Variants in OGT observed in about 807,000 individuals in gnomAD.
OGT encodes the protein UDP-N-acetylglucosamine--peptide N-acetylglucosaminyltransferase 110 kDa subunit.
OGT carries 3 observed loss-of-function variants against 75.8 expected under a neutral mutation model. The observed-to-expected ratio is 0.04, with a 90% CI of 0.02 to 0.10. The LOEUF is 0.10. Among genes scored for constraint, OGT ranks in the 10% least tolerant of loss-of-function variants. The probability of loss-of-function intolerance (pLI) is 1.00; values close to 1 mark genes in which losing one functional copy is unlikely to be tolerated. For synonymous variants in OGT, 257 were observed against 289.7 expected (o/e 0.89, Z 1.15); for missense variants, 260 against 824.4 (o/e 0.32, Z 8.38).
At chrX:71,546,999 G>T in intron 4 of OGT, 2 of 754,862 alleles carry the variant, frequency 2.6e-6, no homozygotes, top group Non-Finnish European at 3.1e-6. Context: ...AATGGATCTG[G>T]TTGGCCGTTT....
At chrX:71,555,436 T>C in intron 7 of OGT, 51 bp downstream of exon 7, 7 of 1,091,165 alleles carry the variant, frequency 6.4e-6, no homozygotes, top group Non-Finnish European at 8.7e-6. Flanking sequence ...TAAGAGTCTT[T>C]TCTGGCCAGG....
At position 71,534,024 on chromosome X, in the gene OGT, C is replaced by T. The variant is rs1232746294; in HGVS notation, c.37+688C>T. ...GCCATCGCCCAATTCCACCGCTGCCCTCAGCCTGGATTTCCCACCCTGTCC... is the reference window on the plus strand; with the variant it reads ...GCCATCGCCCAATTCCACCGCTGCCTTCAGCCTGGATTTCCCACCCTGTCC... On this transcript the variant is annotated intron_variant, in intron 1 of 21. Coordinates refer to ENST00000373719, the MANE Select transcript of OGT (RefSeq NM_181672.3). Among the ~76,000 whole-genome samples the T allele has an allele frequency of 2.7e-5, 3 of 111,154 alleles. No homozygotes were observed. In the South Asian group the frequency reaches 1.1e-3, roughly 43 times the overall value.
At chrX:71,558,365 CTT>C (rs563849120) in intron 12 of OGT, among the ~76,000 whole-genome samples, 8 of 99,839 alleles carry the variant, frequency 8.0e-5, no homozygotes, top group Admixed American at 1.1e-4. Flanking sequence ...GCTAGGTGTA[CTT>C]TTTTTTTTTT....
At chrX:71,543,766 G>GTA (rs397895363) in intron 3 of OGT, among the ~76,000 whole-genome samples, 3,681 of 78,109 alleles carry the variant, frequency 0.047, 106 homozygotes, top group Non-Finnish European at 0.072. Flanking sequence ...GTGTGTGTGT[G>GTA]TATATATATA....
rs761697821 is a variant in OGT at position 71,567,484 on chromosome X, AT to A, written c.2590-12del. On this transcript the variant is annotated splice_polypyrimidine_tract_variant and intron_variant, in intron 19 of 21. Transcript: ENST00000373719. Reference sequence around the variant, plus strand: ...AGATCTGCTATTAATAATTATTCTTATTTTCCCTATTTTAGATTCTGAAGCG... The same window carrying A: ...AGATCTGCTATTAATAATTATTCTTATTTCCCTATTTTAGATTCTGAAGCG... 4 of 1,109,570 alleles carry A rather than the reference AT, an allele frequency of 3.6e-6. No homozygotes were observed. Among genetic ancestry groups the A allele is most frequent in the Non-Finnish European group, 4.8e-6 (4 of 838,974 alleles). 91.4% of individuals were successfully genotyped at this position (1,109,570 alleles called of 1,213,427 possible).
chrX:71,573,634 G>A lies in OGT; in HGVS notation c.2981G>A (p.Arg994His). ...GTDLEYLKKV[R>H]GKVWKQRISS... ...TTATTACCCAGCCTGAAGAAAGTTC[G>A]TGGCAAAGTCTGGAAGCAAAGAATA... is the stretch of plus-strand genomic sequence containing the variant. Residue 994 changes from arginine to histidine, a missense_variant, in exon 22 of 22, where the codon CGT becomes CAT. By Grantham distance (29) the Arg-to-His change is conservative (BLOSUM62 0). Coordinates refer to ENST00000373719, the MANE Select transcript of OGT (RefSeq NM_181672.3). The A allele has an allele frequency of 8.4e-7, 1 of 1,192,827 alleles. No individual in the cohort carries two copies. Among genetic ancestry groups the A allele is most frequent in the Non-Finnish European group, 1.1e-6 (1 of 888,160 alleles).
At chrX:71,568,263 A>G in intron 21 of OGT, 147 bp downstream of exon 21, 1 of 410,891 alleles carries the variant, frequency 2.4e-6, no homozygotes, top group Non-Finnish European at 3.9e-6. Flanking sequence ...AAACTCTTAG[A>G]AATGAAGTGA....
At chrX:71,549,624 A>G (rs964656330) in intron 5 of OGT, among the ~76,000 whole-genome samples, 10 of 110,988 alleles carry the variant, frequency 9.0e-5, no homozygotes, top group African/African-American at 3.3e-4. Context: ...TGTCTCTACA[A>G]AAAATACAAA....
chrX:71,549,295 C>CAA (rs35779562), intron 5 of OGT, among the ~76,000 whole-genome samples: 339 of 21,756 alleles, frequency 0.016, 20 homozygotes, highest in African/African-American at 0.031. Flanking sequence ...GGCCCTGTCT[C>CAA]AAAAAAAAAA....
intron 3 of OGT, among the ~76,000 whole-genome samples, chrX:71,540,018 T>A (rs1264462508): frequency 1.8e-5 from 2 of 112,531 alleles, no homozygotes; most frequent in Non-Finnish European, 3.8e-5. Context: ...CTTATTGTTG[T>A]ACCCTACCAA....
intron 12 of OGT, among the ~76,000 whole-genome samples, chrX:71,557,956 T>G (rs1426127503): frequency 9.1e-6 from 1 of 110,387 alleles, no homozygotes; most frequent in African/African-American, 3.3e-5. Flanking sequence ...CTTTTATCTT[T>G]TTTTTCTTTT....
In OGT at chrX:71,554,497, G is replaced by A. The variant is rs1374649355; in HGVS notation, c.649-16G>A. On this transcript the variant is annotated splice_polypyrimidine_tract_variant and intron_variant, in intron 5 of 21. Transcript: ENST00000373719. ...CCTAACTTGCTCTGAGTAACTAACT[G>A]TCTTGAAATTTTTAGGCTGTCACCC... The A allele has an allele frequency of 3.4e-6, 4 of 1,171,621 alleles. No homozygotes were observed. The highest frequency in any genetic ancestry group is 4.6e-6 in the Non-Finnish European group (4 of 861,047).
intron 3 of OGT, among the ~76,000 whole-genome samples, chrX:71,539,491 C>T (rs1370573004): frequency 1.8e-5 from 2 of 111,569 alleles, no homozygotes; most frequent in Non-Finnish European, 3.8e-5. Context: ...CACCCAGCTT[C>T]TAAATTTATT....
At chrX:71,565,166 AT>A (rs992522075) in intron 19 of OGT, among the ~76,000 whole-genome samples, 1 of 111,888 alleles carries the variant, frequency 8.9e-6, no homozygotes, top group African/African-American at 3.2e-5. Context: ...TCTCAAAAAA[AT>A]TTTTTTTAAA....
In OGT at chrX:71,534,013, C is replaced by T. The variant is rs1204880721; in HGVS notation, c.37+677C>T. Among the ~76,000 whole-genome samples the T allele has an allele frequency of 6.3e-5, 7 of 111,148 alleles. No homozygotes were observed. The Admixed American group carries it at 6.7e-4, about 11-fold the overall frequency. On this transcript the variant is annotated intron_variant, in intron 1 of 21. Transcript: ENST00000373719. ...GGGTTTCCTTTGCCATCGCCCAATT[C>T]CACCGCTGCCCTCAGCCTGGATTTC...
intron 5 of OGT, among the ~76,000 whole-genome samples, chrX:71,550,499 T>C (rs1373938839): frequency 9.0e-6 from 1 of 111,632 alleles, no homozygotes; most frequent in African/African-American, 3.3e-5. Flanking sequence ...TCCTCCCACC[T>C]TGGTCTCCCC....
intron 3 of OGT, among the ~76,000 whole-genome samples, chrX:71,540,449 G>A (rs1238424686): frequency 8.9e-6 from 1 of 111,919 alleles, no homozygotes; most frequent in Non-Finnish European, 1.9e-5. Flanking sequence ...TTGCAGCAGT[G>A]AAAGAGTAGA....
intron 21 of OGT, among the ~76,000 whole-genome samples, chrX:71,571,786 TTGAAACGGAGTCTTGCTC>T (rs913912010): frequency 5.4e-5 from 6 of 110,810 alleles, no homozygotes; most frequent in African/African-American, 2.0e-4. Context: ...TTTTTTCGTT[TTGAAACGGAGTCTTGCTC>T]TGTCGCCCAA....
In OGT at chrX:71,575,552, A is replaced by G. The variant is rs938327976; in HGVS notation, c.*1758A>G. 2.4e-4 allele frequency: 27 copies of G among 112,815 alleles called. No individual in the cohort carries two copies. The highest frequency in any genetic ancestry group is 8.7e-4 in the African/African-American group (27 of 30,999). The allele number at this position is 112,815 out of a possible 1,213,427, so 9.3% of individuals were successfully genotyped here. On this transcript the variant is annotated 3_prime_UTR_variant, in exon 22 of 22. Transcript: ENST00000373719. ...ATAAACTGATGTTTGAAATTCGCTG[A>G]AATACTTAATGTGGAATAGGATAAT...
Sources: gnomAD v4.1 joint callset for allele counts (sites outside exome capture counted in the v4.1 genomes callset) on GRCh38, gnomAD v4.1.1 for gene constraint, MANE v1.5 for transcripts, NCBI Gene and HGNC (gene_info 2026-07-23, HGNC 2026-07-21) for gene names.